Variants in GABRA1 observed in about 807,000 individuals in gnomAD.
GABRA1 encodes the protein gamma-aminobutyric acid type A receptor subunit alpha1.
A neutral mutation model predicts 48.9 loss-of-function variants in GABRA1; 9 were observed. The observed-to-expected ratio is 0.18, with a 90% CI of 0.11 to 0.32. The LOEUF (loss-of-function observed/expected upper bound fraction) is 0.32. Among genes scored for constraint, GABRA1 ranks in the 10% least tolerant of loss-of-function variants. The pLI is 1.00. For missense variants in GABRA1, 285 were observed against 553.8 expected (o/e 0.51, Z 4.87); for synonymous variants, 210 against 198.7 (o/e 1.06, Z -0.48).
chr5:161,890,892 T>C lies in GABRA1; in HGVS notation c.704-6T>C. The C allele has an allele frequency of 1.2e-6, 2 of 1,613,190 alleles. No individual in the cohort carries two copies. Among genetic ancestry groups the C allele is most frequent in the East Asian group, 2.2e-5 (1 of 44,826 alleles). ...GCTCATCTTTCTTGTGTGTTTTACTTCTCAGGAGAATATGTTGTTATGACC... is the reference window on the plus strand; with the variant it reads ...GCTCATCTTTCTTGTGTGTTTTACTCCTCAGGAGAATATGTTGTTATGACC... On this transcript the variant is annotated splice_region_variant and splice_polypyrimidine_tract_variant and intron_variant, in intron 7 of 9. Coordinates refer to ENST00000393943, the MANE Select transcript of GABRA1 (RefSeq NM_001127644.2).
At chr5:161,892,053 C>T (rs1427604737) in intron 8 of GABRA1, among the ~76,000 whole-genome samples, 1 of 152,124 alleles carries the variant, frequency 6.6e-6, no homozygotes, top group Non-Finnish European at 1.5e-5. Flanking sequence ...GGACGAAGAC[C>T]CTAGCATTTA....
At chr5:161,852,050 C>A (rs1040575197) in intron 2 of GABRA1, among the ~76,000 whole-genome samples, 2 of 151,792 alleles carry the variant, frequency 1.3e-5, no homozygotes, top group Non-Finnish European at 2.9e-5. Flanking sequence ...GCATCTTATT[C>A]GTAGGGTTTT....
chr5:161,861,052 C>T (rs1757838956), intron 3 of GABRA1, among the ~76,000 whole-genome samples: 2 of 151,774 alleles, frequency 1.3e-5, no homozygotes, highest in South Asian at 2.1e-4. Context: ...CTATACGTCA[C>T]AGAATGCCAT....
At chr5:161,883,328 G>C (rs975004169) in intron 7 of GABRA1, among the ~76,000 whole-genome samples, 5 of 152,142 alleles carry the variant, frequency 3.3e-5, no homozygotes, top group African/African-American at 9.7e-5. Flanking sequence ...AAAGTAGGTA[G>C]CATGCCATCC....
At chr5:161,862,044 A>G (rs1387393932) in intron 3 of GABRA1, among the ~76,000 whole-genome samples, 2 of 151,914 alleles carry the variant, frequency 1.3e-5, no homozygotes, top group East Asian at 1.9e-4. Context: ...TGGTTGTGAT[A>G]GGATTACTAA....
chr5:161,869,385 G>A (rs1217111417), intron 4 of GABRA1, among the ~76,000 whole-genome samples: 1 of 152,166 alleles, frequency 6.6e-6, no homozygotes, highest in Non-Finnish European at 1.5e-5. Context: ...TGCTAGCTAA[G>A]TGTAGCAACT....
intron 5 of GABRA1, among the ~76,000 whole-genome samples, chr5:161,875,295 C>T (rs1472235342): frequency 6.6e-6 from 1 of 152,064 alleles, no homozygotes; most frequent in African/African-American, 2.4e-5. Context: ...AATTAATGGT[C>T]GTTTTGGAAA....
intron 3 of GABRA1, among the ~76,000 whole-genome samples, chr5:161,859,620 A>C (rs2113329872): frequency 6.6e-6 from 1 of 151,950 alleles, no homozygotes; most frequent in South Asian, 2.1e-4. Flanking sequence ...TCCCGGGATG[A>C]TAAAATGCCT....
chr5:161,856,914 T>C (rs1757668963), intron 3 of GABRA1, among the ~76,000 whole-genome samples: 1 of 151,242 alleles, frequency 6.6e-6, no homozygotes. Context: ...TAAGTTGACA[T>C]TATTGTGGCT....
rs970282097 is a variant in GABRA1, at chr5:161,891,183, G to C, written c.856+133G>C. 3 of 842,966 alleles carry C rather than the reference G, an allele frequency of 3.6e-6. No homozygotes were observed. In the African/African-American group the frequency reaches 5.1e-5, roughly 14 times the overall value. The allele number at this position is 842,966 out of a possible 1,614,324, so 52.2% of individuals were successfully genotyped here. ...AGTTCATATAACAGAAAGTTTCAAG[G>C]AATTGCCACTCTCATTATGGTATAT... On this transcript the variant is annotated intron_variant, in intron 8 of 9. Coordinates refer to ENST00000393943, the MANE Select transcript of GABRA1 (RefSeq NM_001127644.2).
At chr5:161,881,507 G>GAT (rs1754611844) in intron 6 of GABRA1, among the ~76,000 whole-genome samples, 1 of 152,132 alleles carries the variant, frequency 6.6e-6, no homozygotes, top group Non-Finnish European at 1.5e-5. Flanking sequence ...TGAGAAGAGT[G>GAT]ATAGAATGTA....
At chr5:161,879,588 A>G (rs1754522017) in intron 6 of GABRA1, among the ~76,000 whole-genome samples, 1 of 152,132 alleles carries the variant, frequency 6.6e-6, no homozygotes, top group Non-Finnish European at 1.5e-5. Flanking sequence ...AAATTTAAGG[A>G]AACAATAGGA....
intron 6 of GABRA1, among the ~76,000 whole-genome samples, chr5:161,876,926 C>A (rs1380547352): frequency 1.3e-5 from 2 of 152,054 alleles, no homozygotes; most frequent in African/African-American, 2.4e-5. Flanking sequence ...TCGGTTTATG[C>A]CTAATATACT....
At chr5:161,865,547 T>C (rs1753796771) in intron 3 of GABRA1, among the ~76,000 whole-genome samples, 174 bp from the exon 4 acceptor site, 1 of 152,066 alleles carries the variant, frequency 6.6e-6, no homozygotes, top group South Asian at 2.1e-4. Context: ...ATAGAAAATA[T>C]TAACTGTGAA....
intron 6 of GABRA1, among the ~76,000 whole-genome samples, chr5:161,877,308 A>G (rs1409756446): frequency 2.0e-5 from 3 of 152,184 alleles, no homozygotes; most frequent in African/African-American, 7.2e-5. Flanking sequence ...AATGAACTGC[A>G]TATTTTTAAA....
intron 4 of GABRA1, among the ~76,000 whole-genome samples, chr5:161,872,490 A>G (rs975688421): frequency 6.6e-6 from 1 of 151,538 alleles, no homozygotes; most frequent in South Asian, 2.1e-4. Flanking sequence ...TTTCTTTTTG[A>G]AAAGGATTCA....
chr5:161,862,377 A>T (rs1561569597), intron 3 of GABRA1, among the ~76,000 whole-genome samples: 1 of 151,792 alleles, frequency 6.6e-6, no homozygotes, highest in Non-Finnish European at 1.5e-5. Context: ...TTTTCACCTC[A>T]GATCCTTTGC....
At chr5:161,852,080 G>A (rs1221996564) in intron 2 of GABRA1, among the ~76,000 whole-genome samples, 2 of 151,914 alleles carry the variant, frequency 1.3e-5, no homozygotes, top group Middle Eastern at 3.2e-3. Context: ...ATTAAAACTT[G>A]ACATAGTAAG....
At chr5:161,872,079 T>C (rs1014246415) in intron 4 of GABRA1, 2 of 152,586 alleles carry the variant, frequency 1.3e-5, no homozygotes, top group African/African-American at 4.8e-5. Flanking sequence ...AACTGCCTTG[T>C]GATGTAAAAG....
Sources: gnomAD v4.1 joint callset for allele counts (sites outside exome capture counted in the v4.1 genomes callset) on GRCh38, gnomAD v4.1.1 for gene constraint, MANE v1.5 for transcripts, NCBI Gene and HGNC (gene_info 2026-07-23, HGNC 2026-07-21) for gene names.